AKAP3: variants seen among roughly 807,000 people sequenced by gnomAD.
The protein encoded by AKAP3 is A-kinase anchor protein 3.
A neutral mutation model predicts 57.2 loss-of-function variants in AKAP3; 27 were observed. That is an observed-to-expected ratio of 0.47 (90% confidence interval 0.35 to 0.65). The LOEUF is 0.65. AKAP3 is among the 30% of genes least tolerant of loss of function. AKAP3 has a pLI of 0.01. For missense variants in AKAP3, 959 were observed against 1,040.0 expected, an observed-to-expected ratio of 0.92 and a Z score of 1.07; for synonymous variants, 334 against 392.3, an observed-to-expected ratio of 0.85 and a Z score of 1.76.
At chr12:4,636,451 T>G (rs1945566902) in intron 4 of AKAP3, among the ~76,000 whole-genome samples, 1 of 152,236 alleles carries the variant, frequency 6.6e-6, no homozygotes, top group African/African-American at 2.4e-5. Context: ...AACTGTTATA[T>G]ACCTTTTTGT....
At chr12:4,626,044 C>T (rs1945408212) in intron 5 of AKAP3, among the ~76,000 whole-genome samples, 1 of 152,094 alleles carries the variant, frequency 6.6e-6, no homozygotes, top group Non-Finnish European at 1.5e-5. Flanking sequence ...TCCCCAACGC[C>T]ACCTAGACAA....
Position 4,648,972 on chromosome 12 carries a change from C to T in AKAP3, c.-472G>A. On this transcript the variant is annotated 5_prime_UTR_variant, in exon 1 of 6. Transcript: ENST00000228850. ...TTTTCACTTCCTTTCTTCCCCCTCT[C>T]CTTCACTTTCCCAGCTTTCTTCTTA... is the stretch of plus-strand genomic sequence containing the variant. 1.3e-6 allele frequency: 1 copy of T among 787,104 alleles called. No individual in the cohort carries two copies. The highest frequency in any genetic ancestry group is 1.8e-5 in the South Asian group (1 of 54,664). 48.8% of individuals were successfully genotyped at this position (787,104 alleles called of 1,614,324 possible).
chr12:4,639,512 G>A (rs918403432), intron 3 of AKAP3, among the ~76,000 whole-genome samples: 1 of 151,934 alleles, frequency 6.6e-6, no homozygotes, highest in African/African-American at 2.4e-5. Flanking sequence ...GTGCTGTCTT[G>A]GTTTGCTGCC....
chr12:4,632,569 A>G (rs1005355168), intron 4 of AKAP3, among the ~76,000 whole-genome samples: 2 of 152,200 alleles, frequency 1.3e-5, no homozygotes, highest in Non-Finnish European at 2.9e-5. Flanking sequence ...AACCTGGTGG[A>G]GAGTGTTTCT....
rs765458308 is a variant in AKAP3 at position 4,627,300 on chromosome 12, C to T, written c.1602G>A (p.Leu534=). 5 of 1,613,976 alleles carry T rather than the reference C, an allele frequency of 3.1e-6. No individual in the cohort carries two copies. The South Asian group carries it at 5.5e-5, about 18-fold the overall frequency. Residue 534 remains leucine, a synonymous_variant, in exon 5 of 6, where the codon CTG becomes CTA. Coordinates refer to ENST00000228850, the MANE Select transcript of AKAP3 (RefSeq NM_001278309.2). ...AEDLIVSALL[L]IQYHLAQGGR... is the part of the protein sequence containing the mutation. Reference sequence around the variant, plus strand: ...CTCCCTGGGCCAGGTGATATTGAATCAGAAGCAGGGCAGACACGATCAGGT... The same window carrying T: ...CTCCCTGGGCCAGGTGATATTGAATTAGAAGCAGGGCAGACACGATCAGGT...
intron 4 of AKAP3, 104 bp downstream of exon 4, chr12:4,637,997 C>A: frequency 9.9e-7 from 1 of 1,008,394 alleles, no homozygotes; most frequent in East Asian, 2.4e-5. Context: ...AAGAATCCCA[C>A]CTTGAAAAAT....
rs182289247 is a variant in AKAP3 at position 4,635,709 on chromosome 12, G to A, written c.96+2392C>T. On this transcript the variant is annotated intron_variant, in intron 4 of 5. Transcript: ENST00000228850. ...GTATCATATACAGCTATGGCTGCTT[G>A]TGCTCCTCTGTAGTACATTGGTGCT... is the stretch of plus-strand genomic sequence containing the variant. The A allele has an allele frequency of 8.4e-6, 6 of 710,894 alleles. No homozygotes were observed. The African/African-American group carries it at 1.1e-4, about 12-fold the overall frequency. 44.0% of individuals were successfully genotyped at this position (710,894 alleles called of 1,614,324 possible).
intron 4 of AKAP3, chr12:4,635,742 G>A (rs1945557306): frequency 7.0e-6 from 5 of 717,952 alleles, no homozygotes; most frequent in East Asian, 2.5e-5. Context: ...GCTAGGCTAC[G>A]GTATCATTCT....
chr12:4,638,280 A>G, intron 3 of AKAP3, 84 bp from the exon 4 acceptor site: 1 of 954,212 alleles, frequency 1.0e-6, no homozygotes, highest in South Asian at 1.5e-5. Context: ...AAAGGGCTAA[A>G]GCACGGGAAA....
intron 4 of AKAP3, chr12:4,635,992 G>A: frequency 7.3e-7 from 1 of 1,376,280 alleles, no homozygotes; most frequent in South Asian, 1.2e-5. Context: ...CACTTTGAGA[G>A]TTACCCCAAT....
intron 4 of AKAP3, among the ~76,000 whole-genome samples, chr12:4,631,050 T>C (rs1279909772): frequency 6.6e-6 from 1 of 152,130 alleles, no homozygotes; most frequent in Non-Finnish European, 1.5e-5. Context: ...ACAGGTGCAC[T>C]AGGTGTGTCT....
chr12:4,648,487 A>C (rs1945725969), intron 1 of AKAP3: 3 of 152,254 alleles, frequency 2.0e-5, no homozygotes, highest in Non-Finnish European at 4.4e-5. Flanking sequence ...TTTTATCCGA[A>C]GAGGTCACTT....
At position 4,627,332 on chromosome 12, in the gene AKAP3, C is replaced by A. The variant is rs1281212448; in HGVS notation, c.1570G>T (p.Ala524Ser). The change falls in exon 5 of 6, where the codon GCC (alanine) becomes TCC (serine). Residue 524 changes from alanine (A) to serine (S), a missense_variant. Ala to Ser is a moderately conservative substitution (Grantham distance 99). Coordinates refer to ENST00000228850, the MANE Select transcript of AKAP3 (RefSeq NM_001278309.2). ...AGGGCAGACACGATCAGGTCCTCGG[C>A]CCAGGAGTCTGAATCATACATAAAA... ...ENFMYDSDSW[A>S]EDLIVSALLL... 12 of 1,613,878 alleles carry A rather than the reference C, an allele frequency of 7.4e-6. No individual in the cohort carries two copies. Among genetic ancestry groups the A allele is most frequent in the Non-Finnish European group, 1.0e-5 (12 of 1,179,996 alleles).
intron 1 of AKAP3, among the ~76,000 whole-genome samples, chr12:4,647,497 A>T (rs1244714917): frequency 6.6e-6 from 1 of 150,724 alleles, no homozygotes; most frequent in African/African-American, 2.4e-5. Context: ...ATACAGTAAG[A>T]CCCCATCTCT....
At chr12:4,632,807 A>T (rs986169748) in intron 4 of AKAP3, among the ~76,000 whole-genome samples, 4 of 151,874 alleles carry the variant, frequency 2.6e-5, no homozygotes, top group Non-Finnish European at 4.4e-5. Context: ...CGCCCGGCTA[A>T]TTTTTTATAT....
At chr12:4,636,439 G>C (rs1945566795) in intron 4 of AKAP3, among the ~76,000 whole-genome samples, 1 of 152,236 alleles carries the variant, frequency 6.6e-6, no homozygotes, top group Non-Finnish European at 1.5e-5. Context: ...CAGAGGGGCA[G>C]TAACTGTTAT....
At position 4,627,899 on chromosome 12, in the gene AKAP3, C is replaced by T. The variant is rs1187371918; in HGVS notation, c.1003G>A (p.Asp335Asn). The change falls in exon 5 of 6, where the codon GAC becomes AAC. Residue 335 changes from aspartate to asparagine, a missense_variant. Coordinates refer to ENST00000228850, the MANE Select transcript of AKAP3 (RefSeq NM_001278309.2). Reference sequence around the variant, plus strand: ...CTGTGGAGATTCCTCAAGAAGGAGTCGATGAGATCCGAGACCACCTCTTTT... The same window carrying T: ...CTGTGGAGATTCCTCAAGAAGGAGTTGATGAGATCCGAGACCACCTCTTTT... ...HAKEVVSDLI[D>N]SFLRNLHSVT... 10 of 1,613,998 alleles carry T rather than the reference C, an allele frequency of 6.2e-6. No individual in the cohort carries two copies. Among genetic ancestry groups the T allele is most frequent in the South Asian group, 1.1e-5 (1 of 91,072 alleles).
chr12:4,631,248 T>G, intron 4 of AKAP3: 1 of 668,756 alleles, frequency 1.5e-6, no homozygotes, highest in Non-Finnish European at 2.7e-6. Flanking sequence ...ATTAATGATT[T>G]ATAGAGTTAT....
In AKAP3 at chr12:4,625,714, A is replaced by C. The variant is rs1352208312; in HGVS notation, c.2406+782T>G. 1.3e-5 allele frequency among the ~76,000 whole-genome samples: 2 copies of C among 151,840 alleles called. No individual in the cohort carries two copies. The highest frequency in any genetic ancestry group is 6.6e-5 in the Admixed American group (1 of 15,266). On this transcript the variant is annotated intron_variant, in intron 5 of 5. Coordinates refer to ENST00000228850, the MANE Select transcript of AKAP3 (RefSeq NM_001278309.2). The surrounding 1 kb of genome is among the most constrained non-coding windows in gnomAD (Gnocchi z 5.4). ...AAATGAGAGAGAGAGAGAGAGAGAG[A>C]GAGCAAGCGAGCGAGAAGGCAGAGA...
Sources: allele counts gnomAD v4.1 joint callset (sites outside exome capture counted in the v4.1 genomes callset), GRCh38; gene constraint gnomAD v4.1.1; non-coding constraint Gnocchi (gnomAD v3.1); transcripts MANE v1.5; gene names NCBI Gene and HGNC (gene_info 2026-07-23, HGNC 2026-07-21).